Variants in MTRF1 observed in about 807,000 individuals in gnomAD.
MTRF1 encodes the protein peptide chain release factor 1, mitochondrial.
In MTRF1, 51 loss-of-function variants were observed where a neutral mutation model predicts 62.9. The observed-to-expected ratio is 0.81, with a 90% CI of 0.65 to 1.02. The LOEUF is 1.02. MTRF1 is among the 50% of genes least tolerant of loss of function. The probability of loss-of-function intolerance (pLI) is 0.00; values close to 1 mark genes in which losing one functional copy is unlikely to be tolerated. For synonymous variants in MTRF1, 158 were observed against 181.9 expected, an observed-to-expected ratio of 0.87 and a Z score of 1.06; for missense variants, 446 against 530.0, an observed-to-expected ratio of 0.84 and a Z score of 1.56.
chr13:41,227,714 C>T (rs575974910), intron 7 of MTRF1, among the ~76,000 whole-genome samples: 4 of 152,288 alleles, frequency 2.6e-5, no homozygotes, highest in Admixed American at 1.3e-4. Context: ...CTATCTGCAC[C>T]GATACAGTGG....
At chr13:41,271,091 A>ACACACACACCCCCC in the MTRF1 span, among the ~76,000 whole-genome samples, 3 of 137,128 alleles carry the variant, frequency 2.2e-5, no homozygotes, top group African/African-American at 8.2e-5. Context: ...ACACACACAC[A>ACACACACACCCCCC]CCCCATATAG....
At chr13:41,226,683 AT>A (rs1051690490) in intron 7 of MTRF1, 115 bp from the exon 8 acceptor site, 22 of 1,253,492 alleles carry the variant, frequency 1.8e-5, no homozygotes, top group Non-Finnish European at 2.4e-5. Flanking sequence ...AGATACAAAC[AT>A]TTTAGGTTTA....
chr13:41,298,024 T>C, the MTRF1 span, among the ~76,000 whole-genome samples: 1 of 152,206 alleles, frequency 6.6e-6, no homozygotes, highest in African/African-American at 2.4e-5. Flanking sequence ...AAATACATTT[T>C]CCCTTTTTTT....
intron 7 of MTRF1, among the ~76,000 whole-genome samples, chr13:41,233,291 G>A (rs1052617712): frequency 1.3e-5 from 2 of 152,158 alleles, no homozygotes; most frequent in Non-Finnish European, 2.9e-5. Flanking sequence ...AGTAGAGGAA[G>A]TAGGAAGAGG....
At position 41,220,626 on chromosome 13, in the gene MTRF1, C is replaced by T. The variant is rs990309672; in HGVS notation, c.1224+2630G>A. 2.6e-5 allele frequency: 34 copies of T among 1,285,538 alleles called. No homozygotes were observed. In the African/African-American group the frequency reaches 3.2e-4, roughly 12 times the overall value. 79.6% of individuals were successfully genotyped at this position (1,285,538 alleles called of 1,614,324 possible). On this transcript the variant is annotated intron_variant, in intron 9 of 9. Transcript: ENST00000379480. The stretch of plus-strand genomic sequence containing the variant: ...AATGTGCAGGGTCACGACTACCACC[C>T]GTGGAATGAGACTGAGCCTTGGGAA...
intron 7 of MTRF1, chr13:41,229,292 A>G (rs924966213): frequency 6.6e-6 from 1 of 152,240 alleles, no homozygotes; most frequent in Non-Finnish European, 1.5e-5. Flanking sequence ...TAATTAGCAC[A>G]TCCATCACCT....
the MTRF1 span, among the ~76,000 whole-genome samples, chr13:41,293,024 A>C: frequency 6.6e-6 from 1 of 152,206 alleles, no homozygotes; most frequent in Non-Finnish European, 1.5e-5. Context: ...AGGGCAATTA[A>C]ATTTTAGCCA....
At chr13:41,310,159 C>T in the MTRF1 span, among the ~76,000 whole-genome samples, 1 of 152,182 alleles carries the variant, frequency 6.6e-6, no homozygotes, top group Non-Finnish European at 1.5e-5. Flanking sequence ...TTACTACTAA[C>T]CCTACACTGA....
At chr13:41,244,988 TAATC>T (rs2038050622) in intron 5 of MTRF1, among the ~76,000 whole-genome samples, 1 of 152,238 alleles carries the variant, frequency 6.6e-6, no homozygotes, top group Admixed American at 6.5e-5. Flanking sequence ...TTTTATCATC[TAATC>T]AATCTTTTTG....
chr13:41,278,850 C>T, the MTRF1 span, among the ~76,000 whole-genome samples: 2 of 152,164 alleles, frequency 1.3e-5, no homozygotes, highest in South Asian at 2.1e-4. Context: ...CCTCCTCTGC[C>T]AAGAGCATTC....
the MTRF1 span, among the ~76,000 whole-genome samples, chr13:41,283,090 C>T: frequency 6.6e-6 from 1 of 152,214 alleles, no homozygotes; most frequent in Non-Finnish European, 1.5e-5. Flanking sequence ...AACTGCCATT[C>T]ACAAGCTAAG....
upstream of MTRF1, among the ~76,000 whole-genome samples, chr13:41,265,161 G>A (rs1027943891): frequency 4.6e-5 from 7 of 152,130 alleles, no homozygotes; most frequent in Non-Finnish European, 1.5e-5. Flanking sequence ...GGTGGTTCAC[G>A]CCTGTAATCC....
the MTRF1 span, among the ~76,000 whole-genome samples, chr13:41,292,015 G>C: frequency 6.6e-6 from 1 of 152,098 alleles, no homozygotes; most frequent in East Asian, 1.9e-4. Context: ...AATAATATAA[G>C]GAATCTCTGT....
chr13:41,242,126 C>CA lies in MTRF1; in HGVS notation c.698-1694_698-1693insT, dbSNP rs778754632. ...TTTATCAGTTCTACCAAGATACCAA[C>CA]GTTTTTTTTTTGTAATATACTGAAC... On this transcript the variant is annotated intron_variant, in intron 5 of 9. Coordinates refer to ENST00000379480, the MANE Select transcript of MTRF1 (RefSeq NM_004294.4). Among the ~76,000 whole-genome samples, 739 of 151,360 alleles carry CA rather than the reference C, an allele frequency of 4.9e-3. 8 individuals carry two copies. The highest frequency in any genetic ancestry group is 0.015 in the African/African-American group (636 of 41,252).
rs569482634 is a variant in MTRF1, at chr13:41,263,409, A to G, written c.-9+76T>C. On this transcript the variant is annotated intron_variant, in intron 1 of 9. Coordinates refer to ENST00000379480, the MANE Select transcript of MTRF1 (RefSeq NM_004294.4). ...CAGCACGGGCAAACCATGCTGTGTAACTCAGTATATGGAGTGATTCCATAA... is the reference window on the plus strand; with the variant it reads ...CAGCACGGGCAAACCATGCTGTGTAGCTCAGTATATGGAGTGATTCCATAA... 70 of 651,314 alleles carry G rather than the reference A, an allele frequency of 1.1e-4. No homozygotes were observed. In the East Asian group the frequency reaches 4.4e-3, roughly 41 times the overall value. The allele number at this position is 651,314 out of a possible 1,614,324, so 40.3% of individuals were successfully genotyped here.
chr13:41,281,482 C>T, the MTRF1 span, among the ~76,000 whole-genome samples: 1 of 152,076 alleles, frequency 6.6e-6, no homozygotes, highest in East Asian at 1.9e-4. Flanking sequence ...ATTTGTAGTC[C>T]CGAGTGCTAC....
chr13:41,269,031 T>A, the MTRF1 span, among the ~76,000 whole-genome samples: 786 of 150,184 alleles, frequency 5.2e-3, 6 homozygotes, highest in African/African-American at 0.018. Flanking sequence ...TTTTTTTTTT[T>A]AAAACCAGTC....
chr13:41,277,701 T>G, the MTRF1 span, among the ~76,000 whole-genome samples: 1 of 152,194 alleles, frequency 6.6e-6, no homozygotes, highest in African/African-American at 2.4e-5. Context: ...TACATAGGCA[T>G]GACTGATTTA....
At chr13:41,288,510 G>A in the MTRF1 span, among the ~76,000 whole-genome samples, 1 of 152,160 alleles carries the variant, frequency 6.6e-6, no homozygotes, top group African/African-American at 2.4e-5. Flanking sequence ...TAATTCACAT[G>A]GACAATTGGA....
Sources: allele counts gnomAD v4.1 joint callset (sites outside exome capture counted in the v4.1 genomes callset), GRCh38; gene constraint gnomAD v4.1.1; transcripts MANE v1.5; gene names NCBI Gene and HGNC (gene_info 2026-07-23, HGNC 2026-07-21).